EML6: variants seen among roughly 807,000 people sequenced by gnomAD.
EML6 encodes EMAP like 6.
Under a neutral mutation model 240.1 loss-of-function variants are expected in EML6, and 154 were observed. The ratio of observed to expected loss-of-function variants is 0.64; its 90% CI spans 0.56 to 0.73. The LOEUF (loss-of-function observed/expected upper bound fraction) is 0.73. Among genes scored for constraint, EML6 ranks in the 30% least tolerant of loss-of-function variants. The probability of loss-of-function intolerance (pLI) is 0.00; values close to 1 mark genes in which losing one functional copy is unlikely to be tolerated. For synonymous variants in EML6, 1,148 were observed against 899.0 expected (o/e 1.28, Z -4.95); for missense variants, 2,964 against 2,474.6 (o/e 1.20, Z -4.20).
intron 28 of EML6, among the ~76,000 whole-genome samples, chr2:54,948,424 TGC>T (rs1238632054): frequency 6.6e-6 from 1 of 152,150 alleles, no homozygotes; most frequent in Non-Finnish European, 1.5e-5. Context: ...GGCTTGTAAG[TGC>T]CACTTCACGC....
At chr2:54,925,583 T>C (rs1393850564) in intron 26 of EML6, among the ~76,000 whole-genome samples, 2 of 152,228 alleles carry the variant, frequency 1.3e-5, no homozygotes, top group African/African-American at 4.8e-5. Context: ...GGCATTTTTC[T>C]TTCCATGCCA....
At chr2:54,788,321 C>T (rs1164833435) in intron 2 of EML6, among the ~76,000 whole-genome samples, 2 of 152,164 alleles carry the variant, frequency 1.3e-5, no homozygotes, top group Non-Finnish European at 2.9e-5. Context: ...TTTTGTTGTG[C>T]CGGCTCCTGT....
intron 5 of EML6, among the ~76,000 whole-genome samples, chr2:54,824,138 G>T (rs149602413): frequency 6.6e-6 from 1 of 152,200 alleles, no homozygotes; most frequent in East Asian, 1.9e-4. Context: ...CTGCTTAATT[G>T]ATAGAATTCT....
Position 54,891,095 on chromosome 2 carries a change from A to G in EML6, c.2480A>G (p.His827Arg), listed in dbSNP as rs1331568840. 9 of 1,510,964 alleles carry G rather than the reference A, an allele frequency of 6.0e-6. No individual in the cohort carries two copies. In the African/African-American group the frequency reaches 1.1e-4, roughly 18 times the overall value. 93.6% of individuals were successfully genotyped at this position (1,510,964 alleles called of 1,614,324 possible). A position where few individuals can be genotyped will look rare whatever the true frequency, so the allele number is the denominator to read the frequency against. The change falls in exon 18 of 42, where the codon CAC becomes CGC. Residue 827 changes from histidine (H) to arginine (R), a missense_variant. By Grantham distance (29) the His-to-Arg change is conservative. Transcript: ENST00000356458. ...ATATTTGTGGTAAAGTGTAACCCAC[A>G]CCATGTTGACAAACTGGTTACAGTT... ...DKIFVVKCNP[H>R]HVDKLVTVGI... is the part of the protein sequence containing the mutation.
intron 17 of EML6, among the ~76,000 whole-genome samples, chr2:54,887,863 C>T (rs1672236574): frequency 6.6e-6 from 1 of 152,214 alleles, no homozygotes; most frequent in Non-Finnish European, 1.5e-5. Context: ...CTACTATCAC[C>T]CTCCTGCACT....
chr2:54,882,207 G>T (rs564776648), intron 17 of EML6: 1 of 151,604 alleles, frequency 6.6e-6, no homozygotes, highest in Admixed American at 6.6e-5. Flanking sequence ...CAATTTCCCC[G>T]CATGCAATCT....
intron 16 of EML6, among the ~76,000 whole-genome samples, chr2:54,875,244 C>A (rs965005440): frequency 6.6e-6 from 1 of 152,142 alleles, no homozygotes; most frequent in African/African-American, 2.4e-5. Context: ...CACACACTTA[C>A]CTGAAGTATG....
chr2:54,908,706 G>A (rs1558675240), intron 24 of EML6, among the ~76,000 whole-genome samples: 2 of 151,982 alleles, frequency 1.3e-5, no homozygotes, highest in Admixed American at 6.6e-5. Flanking sequence ...TCTGCACATG[G>A]CCCAGCCTCG....
At chr2:54,961,467 G>A (rs111285934) in intron 35 of EML6, among the ~76,000 whole-genome samples, 2,058 of 151,690 alleles carry the variant, frequency 0.014, 53 homozygotes, top group African/African-American at 0.045. Context: ...GATTACAGGC[G>A]TGAGCCATCA....
chr2:54,904,827 G>GT (rs1673234199), intron 24 of EML6, among the ~76,000 whole-genome samples: 1 of 152,126 alleles, frequency 6.6e-6, no homozygotes, highest in Non-Finnish European at 1.5e-5. Context: ...GATGATGAAG[G>GT]CCTCTGCCAA....
chr2:54,725,287 G>A lies in EML6; in HGVS notation c.197+29G>A, dbSNP rs759336202. ...AGGGGGTGGCCAGGGGCGGCGGGGA[G>A]GGGTTGCGTGTGGAGGCTGGGAAGG... On this transcript the variant is annotated intron_variant, in intron 2 of 41. Coordinates refer to ENST00000356458, the MANE Select transcript of EML6 (RefSeq NM_001039753.4). The surrounding 1 kb of genome is among the most constrained non-coding windows in gnomAD (Gnocchi z 4.3). 1 of 1,387,518 alleles carries A rather than the reference G, an allele frequency of 7.2e-7. No individual in the cohort carries two copies. The highest frequency in any genetic ancestry group is 3.0e-5 in the East Asian group (1 of 32,798). The allele number at this position is 1,387,518 out of a possible 1,614,324, so 86.0% of individuals were successfully genotyped here.
At chr2:54,925,290 C>G (rs1017931003) in intron 26 of EML6, among the ~76,000 whole-genome samples, 1 of 152,190 alleles carries the variant, frequency 6.6e-6, no homozygotes, top group African/African-American at 2.4e-5. Flanking sequence ...CCAGCACCTT[C>G]ATCTTGCCCA....
chr2:54,942,629 TCATGCTCTGC>T (rs768662810), intron 28 of EML6, among the ~76,000 whole-genome samples: 112 of 152,294 alleles, frequency 7.4e-4, no homozygotes, highest in Non-Finnish European at 1.3e-3. Flanking sequence ...GAAGTTCGTG[TCATGCTCTGC>T]CATCTTCTGC....
chr2:54,934,621 C>T lies in EML6; in HGVS notation c.4004+5870C>T, dbSNP rs548354389. Among the ~76,000 whole-genome samples, 3 of 152,180 alleles carry T rather than the reference C, an allele frequency of 2.0e-5. No homozygotes were observed. The East Asian group carries it at 5.8e-4, about 29-fold the overall frequency. On this transcript the variant is annotated intron_variant, in intron 28 of 41. Coordinates refer to ENST00000356458, the MANE Select transcript of EML6 (RefSeq NM_001039753.4). The stretch of plus-strand genomic sequence containing the variant: ...GTGTAGTATGGTGGCATGATCCTGG[C>T]TCACTGCAGCCTCAGCCTCCTGGGC...
At chr2:54,901,103 C>G (rs970986210) in intron 22 of EML6, among the ~76,000 whole-genome samples, 3 of 152,210 alleles carry the variant, frequency 2.0e-5, no homozygotes, top group Non-Finnish European at 2.9e-5. Flanking sequence ...TATGCCAGCT[C>G]TTTCCATGTA....
At chr2:54,812,078 A>G (rs1449867349) in intron 2 of EML6, among the ~76,000 whole-genome samples, 1 of 152,244 alleles carries the variant, frequency 6.6e-6, no homozygotes, top group Non-Finnish European at 1.5e-5. Flanking sequence ...TTATAGATAT[A>G]TAATGCTGAT....
intron 13 of EML6, among the ~76,000 whole-genome samples, chr2:54,864,493 T>A (rs1014851432): frequency 6.6e-6 from 1 of 152,236 alleles, no homozygotes; most frequent in Non-Finnish European, 1.5e-5. Context: ...GTTAAAGCAA[T>A]CCCTCAGCGG....
At chr2:54,938,635 G>A (rs13021245) in intron 28 of EML6, among the ~76,000 whole-genome samples, 3,880 of 152,248 alleles carry the variant, frequency 0.025, 65 homozygotes, top group East Asian at 0.038. Flanking sequence ...ACTTTGACAC[G>A]TCCACTATGG....
chr2:54,847,565 G>C lies in EML6; in HGVS notation c.1129G>C (p.Asp377His), dbSNP rs900443182. The change falls in exon 9 of 42, where the codon GAC (aspartate) becomes CAC (histidine). Residue 377 changes from aspartate to histidine, a missense_variant. Coordinates refer to ENST00000356458, the MANE Select transcript of EML6 (RefSeq NM_001039753.4). Reference protein sequence around the residue: ...EAVRSVAFSPDGSQLALGMKD... With the variant: ...EAVRSVAFSPHGSQLALGMKD... ...GGTTCGCAGTGTAGCTTTCAGCCCC[G>C]ACGGATCTCAGCTGGCCCTGGGCAT... The C allele has an allele frequency of 6.4e-7, 1 of 1,552,198 alleles. No homozygotes were observed. Among genetic ancestry groups the C allele is most frequent in the Non-Finnish European group, 8.7e-7 (1 of 1,147,148 alleles).
Sources: allele counts gnomAD v4.1 joint callset (sites outside exome capture counted in the v4.1 genomes callset), GRCh38; gene constraint gnomAD v4.1.1; non-coding constraint Gnocchi (gnomAD v3.1); transcripts MANE v1.5; gene names NCBI Gene and HGNC (gene_info 2026-07-23, HGNC 2026-07-21).